The following PRELID2 variants were observed in gnomAD, a reference collection of about 807,000 sequenced individuals.
PRELID2 encodes the protein PRELI domain containing 2, also known as PRELI domain-containing protein 2.
PRELID2 carries 25 observed loss-of-function variants against 28.4 expected under a neutral mutation model. The ratio of observed to expected loss-of-function variants is 0.88; its 90% CI spans 0.64 to 1.23. The LOEUF is 1.23. Ranked by LOEUF, PRELID2 falls within the 50% of genes most tolerant of loss-of-function variation. The pLI is 0.00. For synonymous variants in PRELID2, 76 were observed against 71.6 expected (o/e 1.06, Z -0.31); for missense variants, 201 against 214.4 (o/e 0.94, Z 0.39).
At chr5:145,475,072 T>A (rs1752087984) in intron 1 of PRELID2, among the ~76,000 whole-genome samples, 1 of 152,196 alleles carries the variant, frequency 6.6e-6, no homozygotes, top group African/African-American at 2.4e-5. Flanking sequence ...ATAAGTAGAA[T>A]CACCAGATGA....
chr5:145,330,816 C>T, the PRELID2 span, among the ~76,000 whole-genome samples: 1 of 152,092 alleles, frequency 6.6e-6, no homozygotes, highest in Admixed American at 6.5e-5. Context: ...CTTCTGCTAG[C>T]TTTTGAATTT....
the PRELID2 span, among the ~76,000 whole-genome samples, chr5:145,409,381 C>T: frequency 2.6e-5 from 4 of 152,086 alleles, no homozygotes; most frequent in Non-Finnish European, 5.9e-5. Context: ...TCAATACTAA[C>T]GTTGAATGTA....
chr5:145,808,717 C>T (rs903287447), intron 4 of PRELID2, among the ~76,000 whole-genome samples: 1 of 151,586 alleles, frequency 6.6e-6, no homozygotes, highest in Non-Finnish European at 1.5e-5. Context: ...CACCCTGTCT[C>T]TACAAAAAAG....
At chr5:145,501,301 C>T (rs1752357983) in intron 1 of PRELID2, among the ~76,000 whole-genome samples, 2 of 152,134 alleles carry the variant, frequency 1.3e-5, no homozygotes, top group Admixed American at 1.3e-4. Context: ...TTCCACTCTG[C>T]TACTTGATTT....
intron 1 of PRELID2, among the ~76,000 whole-genome samples, chr5:145,727,736 A>G (rs908416637): frequency 3.9e-5 from 6 of 152,182 alleles, no homozygotes; most frequent in African/African-American, 1.4e-4. Flanking sequence ...TTACAATACA[A>G]ATAGATGGTG....
At chr5:145,748,688 C>T (rs937954220) in intron 1 of PRELID2, among the ~76,000 whole-genome samples, 1 of 152,114 alleles carries the variant, frequency 6.6e-6, no homozygotes, top group Non-Finnish European at 1.5e-5. Flanking sequence ...GCAAAAAGAA[C>T]AAAGCTGGAG....
At chr5:145,306,127 C>T in the PRELID2 span, among the ~76,000 whole-genome samples, 1 of 152,110 alleles carries the variant, frequency 6.6e-6, no homozygotes. Context: ...ACATGCTTAG[C>T]GTTCCAGTAA....
At chr5:145,367,527 A>C in the PRELID2 span, among the ~76,000 whole-genome samples, 2 of 151,922 alleles carry the variant, frequency 1.3e-5, no homozygotes, top group Non-Finnish European at 2.9e-5. Context: ...AGGTTTGGAC[A>C]AATTTATAAT....
At chr5:145,363,191 C>T in the PRELID2 span, among the ~76,000 whole-genome samples, 70 of 150,484 alleles carry the variant, frequency 4.7e-4, no homozygotes, top group African/African-American at 1.5e-3. Context: ...GAAAGAATAG[C>T]GAATATGTTA....
intron 1 of PRELID2, among the ~76,000 whole-genome samples, chr5:145,683,908 T>C (rs763514878): frequency 2.6e-5 from 4 of 152,142 alleles, no homozygotes; most frequent in Non-Finnish European, 5.9e-5. Flanking sequence ...GTATTATTAT[T>C]ATTACTGAGT....
intron 1 of PRELID2, among the ~76,000 whole-genome samples, chr5:145,540,065 A>G: frequency 6.6e-6 from 1 of 151,960 alleles, no homozygotes; most frequent in Admixed American, 6.6e-5. Flanking sequence ...AAGAGTTTAT[A>G]GTGCCTTCTC....
At chr5:145,609,236 T>A in intron 1 of PRELID2, among the ~76,000 whole-genome samples, 1 of 152,248 alleles carries the variant, frequency 6.6e-6, no homozygotes, top group Middle Eastern at 3.2e-3. Context: ...TTCGTTCTTA[T>A]CCATATTCTG....
chr5:145,564,491 C>T (rs964923), intron 1 of PRELID2, among the ~76,000 whole-genome samples: 25,642 of 152,174 alleles, frequency 0.17, 3,584 homozygotes, highest in African/African-American at 0.37. Flanking sequence ...AGCTGGCTCC[C>T]TCTCATCTCC....
chr5:145,443,521 T>A, the PRELID2 span, among the ~76,000 whole-genome samples: 1 of 152,096 alleles, frequency 6.6e-6, no homozygotes, highest in African/African-American at 2.4e-5. Context: ...CTGAGCTGTA[T>A]TGACTTAAAT....
the PRELID2 span, among the ~76,000 whole-genome samples, chr5:145,377,680 T>C: frequency 6.6e-6 from 1 of 152,216 alleles, no homozygotes; most frequent in African/African-American, 2.4e-5. Context: ...GAAACTAGGA[T>C]TGCAACCCCG....
the PRELID2 span, among the ~76,000 whole-genome samples, chr5:145,311,982 G>C: frequency 6.6e-6 from 1 of 152,104 alleles, no homozygotes; most frequent in Non-Finnish European, 1.5e-5. Flanking sequence ...ACTGTGAAAT[G>C]ATTAATCAAG....
At position 145,740,861 on chromosome 5, in the gene PRELID2, TATTTATCGATAAATATATATGTAC is replaced by T. The variant is rs1480916455; in HGVS notation, n.70+24046_70+24069del. 1.1e-3 allele frequency among the ~76,000 whole-genome samples: 60 copies of T among 53,658 alleles called. 8 individuals carry two copies. Among genetic ancestry groups the T allele is most frequent in the African/African-American group, 3.9e-3 (56 of 14,376 alleles). 35.2% of individuals were successfully genotyped at this position (53,658 alleles called of 152,430 possible). Reference sequence around the variant, plus strand: ...TTATCGATAAATATATATGTACATATATTTATCGATAAATATATATGTACATATATTTATCGATAAATATATATG... The same window carrying T: ...TTATCGATAAATATATATGTACATATATATATTTATCGATAAATATATATG... On this transcript the variant is annotated intron_variant and non_coding_transcript_variant, in intron 1 of 2. Coordinates refer to the PRELID2 transcript ENST00000510259.
intron 1 of PRELID2, among the ~76,000 whole-genome samples, chr5:145,552,857 C>T (rs1224550530): frequency 6.6e-6 from 1 of 152,136 alleles, no homozygotes; most frequent in Admixed American, 6.5e-5. Flanking sequence ...TTGAAAACAC[C>T]TGCTCATAGC....
At chr5:145,517,822 T>C (rs1289537028) in intron 1 of PRELID2, among the ~76,000 whole-genome samples, 1 of 152,004 alleles carries the variant, frequency 6.6e-6, no homozygotes, top group Non-Finnish European at 1.5e-5. Flanking sequence ...TAAAAAAGGA[T>C]GAATTCATGT....
Sources: gnomAD v4.1 joint callset for allele counts (sites outside exome capture counted in the v4.1 genomes callset) on GRCh38, gnomAD v4.1.1 for gene constraint, MANE v1.5 for transcripts, NCBI Gene and HGNC (gene_info 2026-07-23, HGNC 2026-07-21) for gene names.